EYS: variants seen among roughly 807,000 people sequenced by gnomAD.
EYS encodes protein eyes shut homolog.
Under a neutral mutation model 282.1 loss-of-function variants are expected in EYS, and 250 were observed. That is an observed-to-expected ratio of 0.89 (90% confidence interval 0.80 to 0.98). EYS has a LOEUF of 0.98. Among genes scored for constraint, EYS ranks in the 50% least tolerant of loss-of-function variants. EYS has a pLI of 0.00. For missense variants in EYS, 4,016 were observed against 3,709.0 expected, an observed-to-expected ratio of 1.08 and a Z score of -2.15; for synonymous variants, 1,355 against 1,282.9, an observed-to-expected ratio of 1.06 and a Z score of -1.20.
intron 26 of EYS, among the ~76,000 whole-genome samples, chr6:64,579,431 T>C (rs995040246): frequency 5.3e-5 from 8 of 152,126 alleles, no homozygotes; most frequent in Non-Finnish European, 1.0e-4. Context: ...GAAAGTTGTA[T>C]AGAGACCAAA....
At chr6:64,391,548 T>TA (rs1156284469) in intron 28 of EYS, among the ~76,000 whole-genome samples, 2 of 151,798 alleles carry the variant, frequency 1.3e-5, no homozygotes, top group African/African-American at 4.9e-5. Context: ...GAAGGAGAAA[T>TA]AAAATACTTT....
chr6:64,761,886 T>G (rs1269425810), intron 22 of EYS, among the ~76,000 whole-genome samples: 2 of 152,204 alleles, frequency 1.3e-5, no homozygotes, highest in East Asian at 3.8e-4. Context: ...TATGAACACA[T>G]AAAAATTACC....
intron 22 of EYS, among the ~76,000 whole-genome samples, chr6:64,736,948 T>A (rs1772204394): frequency 6.6e-6 from 1 of 152,198 alleles, no homozygotes; most frequent in Non-Finnish European, 1.5e-5. Flanking sequence ...AAGAATACAA[T>A]TTATCATTTT....
In EYS at chr6:65,190,681, G is replaced by A. The variant is rs372318140; in HGVS notation, c.2023+105182C>T. On this transcript the variant is annotated intron_variant, in intron 12 of 42. Transcript: ENST00000503581. Reference sequence around the variant, plus strand: ...AAATTGTTTATGTATATGCATTCAAGCACTAGTGTGTTTGTTAGAGCTTTC... The same window carrying A: ...AAATTGTTTATGTATATGCATTCAAACACTAGTGTGTTTGTTAGAGCTTTC... 1.3e-3 allele frequency among the ~76,000 whole-genome samples: 204 copies of A among 151,864 alleles called. 1 individual carries two copies. Among genetic ancestry groups the A allele is most frequent in the Middle Eastern group, 3.4e-3 (1 of 292 alleles).
At chr6:65,700,437 A>G (rs1210412910) in intron 1 of EYS, among the ~76,000 whole-genome samples, 1 of 152,184 alleles carries the variant, frequency 6.6e-6, no homozygotes, top group Non-Finnish European at 1.5e-5. Flanking sequence ...CCAAAGGCCA[A>G]ATGGGGATAC....
intron 30 of EYS, among the ~76,000 whole-genome samples, chr6:64,304,560 G>A (rs1769365503): frequency 7.0e-6 from 1 of 143,326 alleles, no homozygotes; most frequent in Non-Finnish European, 1.5e-5. Context: ...TAGATGGAAG[G>A]ACATATGTCA....
At position 64,474,244 on chromosome 6, in the gene EYS, A is replaced by C. The variant is rs771223840; in HGVS notation, c.5645-34892T>G. Among the ~76,000 whole-genome samples the C allele has an allele frequency of 6.6e-5, 10 of 152,278 alleles. No homozygotes were observed. The East Asian group carries it at 1.7e-3, about 27-fold the overall frequency. On this transcript the variant is annotated intron_variant, in intron 26 of 42. Transcript: ENST00000503581. ...ACACAGATGTTTCAGTGACTTCTAT[A>C]TATAAATTTATAACTTGTTCAACTA... is the stretch of plus-strand genomic sequence containing the variant.
chr6:64,466,891 T>C (rs926437328), intron 26 of EYS, among the ~76,000 whole-genome samples: 2 of 152,072 alleles, frequency 1.3e-5, no homozygotes, highest in Non-Finnish European at 2.9e-5. Context: ...ATATATTTAA[T>C]TTAAAATTCT....
intron 33 of EYS, among the ~76,000 whole-genome samples, chr6:64,047,669 C>T (rs1770674269): frequency 6.6e-6 from 1 of 152,154 alleles, no homozygotes; most frequent in Non-Finnish European, 1.5e-5. Context: ...GAGTTCCCTT[C>T]TATTATTTTC....
At chr6:64,897,204 C>A (rs914258937) in intron 18 of EYS, among the ~76,000 whole-genome samples, 7 of 151,886 alleles carry the variant, frequency 4.6e-5, no homozygotes, top group African/African-American at 1.7e-4. Flanking sequence ...TACAGGAGAG[C>A]TCTGGTTGGC....
In EYS at chr6:63,888,241, A is replaced by C. The variant is rs569874288; in HGVS notation, c.7056-23883T>G. Among the ~76,000 whole-genome samples the C allele has an allele frequency of 2.6e-5, 4 of 152,368 alleles. No individual in the cohort carries two copies. In the South Asian group the frequency reaches 8.3e-4, roughly 32 times the overall value. ...GCAGACTTATACATTCCTGCCTGCC[A>C]GCTCTGAAGAGAGTAGCAGATCTCC... On this transcript the variant is annotated intron_variant, in intron 35 of 42. Transcript: ENST00000503581.
chr6:65,408,601 T>G (rs1766853361), intron 5 of EYS, among the ~76,000 whole-genome samples: 3 of 152,166 alleles, frequency 2.0e-5, no homozygotes, highest in Non-Finnish European at 4.4e-5. Flanking sequence ...TATTTACTTG[T>G]GTCTTTCCTT....
intron 2 of EYS, among the ~76,000 whole-genome samples, chr6:65,575,455 A>G (rs770440016): frequency 6.6e-6 from 1 of 151,790 alleles, no homozygotes; most frequent in Non-Finnish European, 1.5e-5. Flanking sequence ...ATTTCTAAGA[A>G]GGAAGTTTAG....
At chr6:65,081,953 A>G (rs1238535039) in intron 12 of EYS, among the ~76,000 whole-genome samples, 2 of 152,100 alleles carry the variant, frequency 1.3e-5, no homozygotes, top group Non-Finnish European at 2.9e-5. Flanking sequence ...CTAAGCTATC[A>G]GCACTGTCGG....
In EYS at chr6:63,922,300, C is replaced by T. The variant is rs553171950; in HGVS notation, c.7056-57942G>A. On this transcript the variant is annotated intron_variant, in intron 35 of 42. Transcript: ENST00000503581. ...AGGTCTTGCCTGGTACAGTGGCTCA[C>T]GCCTGTAATCCCAGAACTTTGGGAG... 4.6e-5 allele frequency among the ~76,000 whole-genome samples: 7 copies of T among 152,294 alleles called. No homozygotes were observed. The East Asian group carries it at 9.6e-4, about 21-fold the overall frequency.
At chr6:65,294,287 AAG>A (rs2150285188) in intron 12 of EYS, among the ~76,000 whole-genome samples, 1 of 152,030 alleles carries the variant, frequency 6.6e-6, no homozygotes, top group African/African-American at 2.4e-5. Flanking sequence ...TCACTGTGTG[AAG>A]AGTTTAGAAG....
chr6:64,827,752 T>C (rs1319813756), intron 19 of EYS, among the ~76,000 whole-genome samples: 2 of 151,876 alleles, frequency 1.3e-5, no homozygotes, highest in Non-Finnish European at 2.9e-5. Flanking sequence ...ATGAACAATA[T>C]TTAAATTAAA....
intron 22 of EYS, among the ~76,000 whole-genome samples, chr6:64,736,640 A>G (rs1421917469): frequency 6.6e-6 from 1 of 152,052 alleles, no homozygotes; most frequent in Non-Finnish European, 1.5e-5. Context: ...TAAGTCAAAT[A>G]TTTTCCTGTT....
intron 26 of EYS, among the ~76,000 whole-genome samples, chr6:64,524,158 C>T (rs1041704212): frequency 2.6e-5 from 4 of 151,576 alleles, no homozygotes; most frequent in African/African-American, 9.7e-5. Flanking sequence ...ATAAGAAATA[C>T]ATGCTTTTGT....
Sources: allele counts gnomAD v4.1 joint callset (sites outside exome capture counted in the v4.1 genomes callset), GRCh38; gene constraint gnomAD v4.1.1; transcripts MANE v1.5; gene names NCBI Gene and HGNC (gene_info 2026-07-23, HGNC 2026-07-21).